The following SETD4 variants were observed in gnomAD, a reference collection of about 807,000 sequenced individuals.
The protein encoded by SETD4 is SET domain-containing protein 4.
In SETD4, 46 loss-of-function variants were observed where a neutral mutation model predicts 58.3. The observed-to-expected ratio is 0.79, with a 90% confidence interval of 0.62 to 1.01. SETD4 has a LOEUF of 1.01. Among genes scored for constraint, SETD4 ranks in the 50% least tolerant of loss-of-function variants. The pLI is 0.00. For missense variants in SETD4, 490 were observed against 523.3 expected (o/e 0.94, Z 0.62); for synonymous variants, 190 against 202.6 (o/e 0.94, Z 0.53).
intron 10 of SETD4, 37 bp downstream of exon 10, chr21:36,038,113 G>GAC: frequency 6.3e-7 from 1 of 1,594,988 alleles, no homozygotes. Flanking sequence ...GCTGAATCAA[G>GAC]ACACTTCTTT....
At chr21:36,047,834 CAAAAAA>C (rs34827028) in intron 5 of SETD4, among the ~76,000 whole-genome samples, 34 of 70,910 alleles carry the variant, frequency 4.8e-4, no homozygotes, top group East Asian at 4.1e-3. Flanking sequence ...ACTAAAAATA[CAAAAAA>C]AAAAAAAAAA....
chr21:36,059,240 C>G (rs1419616759), intron 1 of SETD4: 1 of 162,490 alleles, frequency 6.2e-6, no homozygotes, highest in East Asian at 1.7e-4. Flanking sequence ...GGCGTGGTGG[C>G]ACACGCCTGT....
At chr21:36,053,877 A>G (rs1283792973) in intron 3 of SETD4, among the ~76,000 whole-genome samples, 1 of 152,162 alleles carries the variant, frequency 6.6e-6, no homozygotes, top group African/African-American at 2.4e-5. Flanking sequence ...GACTTTATAC[A>G]GACCTACTGC....
intron 5 of SETD4, among the ~76,000 whole-genome samples, chr21:36,047,174 G>C (rs557575282): frequency 6.6e-6 from 1 of 152,260 alleles, no homozygotes; most frequent in South Asian, 2.1e-4. Flanking sequence ...AGAACTGCTT[G>C]AACCCGGAAG....
Position 36,058,799 on chromosome 21 carries a change from T to A in SETD4, c.73+17A>T. The A allele has an allele frequency of 6.3e-7, 1 of 1,586,082 alleles. No individual in the cohort carries two copies. Among genetic ancestry groups the A allele is most frequent in the Non-Finnish European group, 8.5e-7 (1 of 1,171,344 alleles). On this transcript the variant is annotated intron_variant, in intron 2 of 11. Transcript: ENST00000332131. ...GGATTTCTTTTTTCATTACTGGTAC[T>A]AAAAGAAAAACCATACCTCCTCTTG...
intron 5 of SETD4, among the ~76,000 whole-genome samples, chr21:36,046,363 TG>T (rs1428089184): frequency 1.3e-5 from 2 of 152,204 alleles, no homozygotes; most frequent in African/African-American, 4.8e-5. Context: ...GTCTCACCTA[TG>T]TAAAGATATA....
At chr21:36,044,657 A>T (rs2064224156) in intron 6 of SETD4, among the ~76,000 whole-genome samples, 1 of 152,246 alleles carries the variant, frequency 6.6e-6, no homozygotes, top group African/African-American at 2.4e-5. Flanking sequence ...AAAAGTAACA[A>T]GCAGACAGCC....
chr21:36,049,048 C>T (rs1275619525), intron 4 of SETD4, among the ~76,000 whole-genome samples: 3 of 152,188 alleles, frequency 2.0e-5, no homozygotes, highest in African/African-American at 4.8e-5. Context: ...ATAACCCACG[C>T]TTATGAGCTA....
At chr21:36,055,614 G>A (rs1264969319) in intron 3 of SETD4, among the ~76,000 whole-genome samples, 1 of 152,168 alleles carries the variant, frequency 6.6e-6, no homozygotes, top group Non-Finnish European at 1.5e-5. Flanking sequence ...GCCCAGAAAT[G>A]TTACCTCCTA....
chr21:36,058,899 T>C lies in SETD4; in HGVS notation c.-11A>G. On this transcript the variant is annotated 5_prime_UTR_variant, in exon 2 of 12. Transcript: ENST00000332131. ...TTTTCCTTTCTGCATGCTAAAACTG[T>C]AGTTTCTTTTTTCTGAAATACAGTT... 1 of 1,577,874 alleles carries C rather than the reference T, an allele frequency of 6.3e-7. No homozygotes were observed.
intron 4 of SETD4, among the ~76,000 whole-genome samples, chr21:36,052,536 C>A (rs1454505664): frequency 1.6e-5 from 2 of 123,356 alleles, no homozygotes; most frequent in East Asian, 2.3e-4. Flanking sequence ...CCAGCCTGGG[C>A]AACAGAGCAA....
intron 5 of SETD4, among the ~76,000 whole-genome samples, chr21:36,047,834 C>CT (rs2064410553): frequency 1.4e-5 from 1 of 70,930 alleles, no homozygotes; most frequent in Non-Finnish European, 2.7e-5. Context: ...ACTAAAAATA[C>CT]AAAAAAAAAA....
chr21:36,049,335 G>A (rs549144644), intron 4 of SETD4, among the ~76,000 whole-genome samples: 42 of 152,102 alleles, frequency 2.8e-4, no homozygotes, highest in African/African-American at 9.2e-4. Flanking sequence ...CAGGTGGATC[G>A]CTTGAGGTCA....
Position 36,053,757 on chromosome 21 carries a change from C to T in SETD4, c.170-137G>A, listed in dbSNP as rs573472287. ...TGGATGTCTCTCAGCCTTTGATTCC[C>T]AGGGGAAACAGGGAGTCAGAAAGCT... On this transcript the variant is annotated intron_variant, in intron 3 of 11. Transcript: ENST00000332131. 170 of 805,124 alleles carry T rather than the reference C, an allele frequency of 2.1e-4. 8 individuals carry two copies. The South Asian group carries it at 2.7e-3, about 13-fold the overall frequency. The allele number at this position is 805,124 out of a possible 1,614,324, so 49.9% of individuals were successfully genotyped here. A position where few individuals can be genotyped will look rare whatever the true frequency, so the allele number is the denominator to read the frequency against.
At chr21:36,050,686 T>G in intron 4 of SETD4, 1 of 1,605,332 alleles carries the variant, frequency 6.2e-7, no homozygotes, top group Non-Finnish European at 8.5e-7. Flanking sequence ...CCAATGGTAG[T>G]AAAGAATACG....
intron 4 of SETD4, among the ~76,000 whole-genome samples, chr21:36,052,655 T>C (rs2064776462): frequency 6.6e-6 from 1 of 150,592 alleles, no homozygotes; most frequent in Non-Finnish European, 1.5e-5. Flanking sequence ...AAGTTTTAAA[T>C]AGAGAATTTA....
intron 5 of SETD4, 84 bp downstream of exon 5, chr21:36,048,224 A>G: frequency 1.9e-6 from 2 of 1,075,188 alleles, no homozygotes; most frequent in South Asian, 2.5e-5. Flanking sequence ...GTTCTAATGA[A>G]TTGTGTCTCA....
At position 36,058,872 on chromosome 21, in the gene SETD4, C is replaced by T. The variant is rs2065130297; in HGVS notation, c.17G>A (p.Gly6Glu). 1.3e-6 allele frequency: 2 copies of T among 1,599,730 alleles called. No homozygotes were observed. The highest frequency in any genetic ancestry group is 1.3e-5 in the African/African-American group (1 of 74,340). Residue 6 changes from glycine to glutamate, a missense_variant, in exon 2 of 12, where the codon GGG (glycine) becomes GAG (glutamate). Transcript: ENST00000332131. The stretch of plus-strand genomic sequence containing the variant: ...TCGTCTTCTGATCCGGCTTGTTCTC[C>T]CTTTTCCTTTCTGCATGCTAAAACT... MQKGK[G>E]RTSRIRRRKL...
At chr21:36,038,005 C>G in intron 10 of SETD4, 145 bp downstream of exon 10, 10 of 1,033,732 alleles carry the variant, frequency 9.7e-6, no homozygotes, top group Non-Finnish European at 1.3e-5. Context: ...TCAAAGAAAA[C>G]AAAAATAGAG....
Sources: gnomAD v4.1 joint callset for allele counts (sites outside exome capture counted in the v4.1 genomes callset) on GRCh38, gnomAD v4.1.1 for gene constraint, MANE v1.5 for transcripts, NCBI Gene and HGNC (gene_info 2026-07-23, HGNC 2026-07-21) for gene names.